Variants in GPC5 observed in about 807,000 individuals in gnomAD.
The protein encoded by GPC5 is glypican-5.
GPC5 carries 47 observed loss-of-function variants against 53.9 expected under a neutral mutation model. The observed-to-expected ratio is 0.87, with a 90% CI of 0.69 to 1.11. GPC5 has a LOEUF of 1.11. Ranked by LOEUF, GPC5 falls within the 50% of genes most tolerant of loss-of-function variation. GPC5 has a pLI of 0.00. For missense variants in GPC5, 748 were observed against 713.1 expected, an observed-to-expected ratio of 1.05 and a Z score of -0.56; for synonymous variants, 286 against 263.3, an observed-to-expected ratio of 1.09 and a Z score of -0.84.
At chr13:91,556,879 C>T (rs140213664) in intron 2 of GPC5, among the ~76,000 whole-genome samples, 11 of 151,930 alleles carry the variant, frequency 7.2e-5, no homozygotes, top group East Asian at 1.9e-4. Context: ...ATATACTGCT[C>T]GGGTGATGGG....
intron 2 of GPC5, among the ~76,000 whole-genome samples, chr13:91,529,329 T>G (rs1436928745): frequency 6.6e-6 from 1 of 152,206 alleles, no homozygotes; most frequent in East Asian, 1.9e-4. Context: ...ATACCCCATA[T>G]TTTGATTTTC....
intron 7 of GPC5, among the ~76,000 whole-genome samples, chr13:92,863,205 T>G (rs1271754195): frequency 6.6e-6 from 1 of 152,178 alleles, no homozygotes. Flanking sequence ...GTGCTTGGAA[T>G]CAGGGAGGCA....
chr13:92,139,452 G>A (rs548909309), intron 6 of GPC5, among the ~76,000 whole-genome samples: 8 of 152,220 alleles, frequency 5.3e-5, no homozygotes, highest in African/African-American at 1.9e-4. Flanking sequence ...TGGATCATGA[G>A]GTCAGGAGAT....
At chr13:92,623,748 TAAAA>T (rs539800146) in intron 7 of GPC5, among the ~76,000 whole-genome samples, 18 of 148,820 alleles carry the variant, frequency 1.2e-4, no homozygotes, top group African/African-American at 4.2e-4. Context: ...GTTTTCAAAT[TAAAA>T]AAAAAACCAG....
intron 7 of GPC5, among the ~76,000 whole-genome samples, chr13:92,525,201 A>G (rs955563622): frequency 1.4e-4 from 21 of 151,976 alleles, no homozygotes; most frequent in African/African-American, 5.1e-4. Flanking sequence ...TTGGCCTACT[A>G]CTTGCTAATT....
At chr13:92,230,938 T>G (rs936833670) in intron 7 of GPC5, among the ~76,000 whole-genome samples, 1 of 152,184 alleles carries the variant, frequency 6.6e-6, no homozygotes, top group East Asian at 1.9e-4. Flanking sequence ...AAATCTTCAA[T>G]AAATAAATTG....
intron 7 of GPC5, among the ~76,000 whole-genome samples, chr13:92,718,547 C>A (rs771241032): frequency 6.6e-6 from 1 of 151,926 alleles, no homozygotes; most frequent in Admixed American, 6.6e-5. Flanking sequence ...TTATCAGGGG[C>A]TGGGAAGGGT....
chr13:91,930,336 C>A (rs2039809778), intron 6 of GPC5, among the ~76,000 whole-genome samples: 1 of 152,022 alleles, frequency 6.6e-6, no homozygotes, highest in Admixed American at 6.6e-5. Context: ...AGAAAAAACA[C>A]ATATCCAACC....
chr13:92,033,036 CGTGTGT>C (rs60958496), intron 6 of GPC5, among the ~76,000 whole-genome samples: 2,784 of 139,080 alleles, frequency 0.02, 74 homozygotes, highest in African/African-American at 0.06. Flanking sequence ...TAGTTATTGT[CGTGTGT>C]GTGTGTGTGT....
chr13:92,570,793 T>G (rs1158547482), intron 7 of GPC5, among the ~76,000 whole-genome samples: 1 of 152,146 alleles, frequency 6.6e-6, no homozygotes, highest in African/African-American at 2.4e-5. Context: ...AGTATTATTT[T>G]TATAATTTAC....
At chr13:92,421,284 T>C (rs1302007046) in intron 7 of GPC5, among the ~76,000 whole-genome samples, 1 of 151,482 alleles carries the variant, frequency 6.6e-6, no homozygotes, top group Non-Finnish European at 1.5e-5. Context: ...CTGACTGGAG[T>C]GGAGAAAAGG....
At chr13:91,703,623 C>T (rs924816561) in intron 3 of GPC5, among the ~76,000 whole-genome samples, 1 of 152,000 alleles carries the variant, frequency 6.6e-6, no homozygotes, top group African/African-American at 2.4e-5. Flanking sequence ...CTTTTAGTGT[C>T]CTTATCTGGC....
chr13:91,655,065 A>T (rs1183599992), intron 2 of GPC5, among the ~76,000 whole-genome samples: 1 of 152,190 alleles, frequency 6.6e-6, no homozygotes, highest in Non-Finnish European at 1.5e-5. Flanking sequence ...AGCAGATTAA[A>T]TGAATGGTCT....
chr13:92,403,258 CAT>C (rs1875639380), intron 7 of GPC5, among the ~76,000 whole-genome samples: 1 of 152,132 alleles, frequency 6.6e-6, no homozygotes, highest in African/African-American at 2.4e-5. Context: ...CAATTTAAAA[CAT>C]ATGTAGTTTT....
chr13:92,598,407 A>C (rs4371028), intron 7 of GPC5, among the ~76,000 whole-genome samples: 149,105 of 152,046 alleles, frequency 0.98, 73,189 homozygotes, highest in East Asian at 1. Flanking sequence ...TTTACGTTGT[A>C]TCTGACTCTG....
chr13:92,640,881 C>T (rs1885573664), intron 7 of GPC5, among the ~76,000 whole-genome samples: 2 of 147,690 alleles, frequency 1.4e-5, no homozygotes, highest in Admixed American at 1.4e-4. Context: ...ACCAAACAAA[C>T]AGATATATGC....
chr13:91,653,122 T>C (rs562091830), intron 2 of GPC5, among the ~76,000 whole-genome samples: 2 of 152,334 alleles, frequency 1.3e-5, no homozygotes, highest in Admixed American at 1.3e-4. Flanking sequence ...TATTGTATTC[T>C]CTAACAAAAA....
chr13:91,743,774 G>A (rs1272255809), intron 4 of GPC5, among the ~76,000 whole-genome samples: 1 of 152,102 alleles, frequency 6.6e-6, no homozygotes, highest in Non-Finnish European at 1.5e-5. Flanking sequence ...CATTTCCAGG[G>A]CACACAGCTC....
At chr13:92,744,825 T>C (rs1889201710) in intron 7 of GPC5, among the ~76,000 whole-genome samples, 2 of 151,980 alleles carry the variant, frequency 1.3e-5, no homozygotes, top group African/African-American at 2.4e-5. Context: ...TAAGTTTATA[T>C]AGATATATAG....
Sources: allele counts gnomAD v4.1 joint callset (sites outside exome capture counted in the v4.1 genomes callset), GRCh38; gene constraint gnomAD v4.1.1; transcripts MANE v1.5; gene names NCBI Gene and HGNC (gene_info 2026-07-23, HGNC 2026-07-21).